MLIP: variants seen among roughly 807,000 people sequenced by gnomAD.
The protein encoded by MLIP is muscular LMNA interacting protein.
In MLIP, 79 loss-of-function variants were observed where a neutral mutation model predicts 84.8. The observed-to-expected ratio is 0.93, with a 90% CI of 0.78 to 1.12. The LOEUF (loss-of-function observed/expected upper bound fraction) is 1.12. Ranked by LOEUF, MLIP falls within the 50% of genes most tolerant of loss-of-function variation. MLIP has a pLI of 0.00. For missense variants in MLIP, 1,257 were observed against 1,160.6 expected, an observed-to-expected ratio of 1.08 and a Z score of -1.21; for synonymous variants, 504 against 463.0, an observed-to-expected ratio of 1.09 and a Z score of -1.14.
At chr6:54,019,129 A>G (rs1015537379) in intron 1 of MLIP, 1 of 1,603,374 alleles carries the variant, frequency 6.2e-7, no homozygotes. Flanking sequence ...ATTTATAATG[A>G]AATTGACAGG....
chr6:54,134,128 A>G (rs934050709), intron 3 of MLIP, among the ~76,000 whole-genome samples: 2 of 152,154 alleles, frequency 1.3e-5, no homozygotes, highest in African/African-American at 2.4e-5. Context: ...ATAGATGCCA[A>G]TAGGGAAGTT....
At chr6:54,121,017 C>A (rs149612308) in intron 1 of MLIP, among the ~76,000 whole-genome samples, 1 of 152,116 alleles carries the variant, frequency 6.6e-6, no homozygotes, top group Non-Finnish European at 1.5e-5. Context: ...TTCTTGCTAA[C>A]GATAAATGTG....
At chr6:54,213,728 A>ACAAC (rs375011233) in intron 11 of MLIP, among the ~76,000 whole-genome samples, 2,913 of 40,870 alleles carry the variant, frequency 0.071, 324 homozygotes, top group African/African-American at 0.15. Flanking sequence ...AAAAAAAAAA[A>ACAAC]AAAAAAAACA....
At chr6:54,049,419 C>T (rs1309944647) in intron 1 of MLIP, among the ~76,000 whole-genome samples, 2 of 152,090 alleles carry the variant, frequency 1.3e-5, no homozygotes, top group African/African-American at 2.4e-5. Context: ...CTTGGTGTCA[C>T]TTATTGCTGG....
At chr6:54,110,385 C>T (rs1483221484), upstream of MLIP, among the ~76,000 whole-genome samples, 2 of 152,074 alleles carry the variant, frequency 1.3e-5, no homozygotes, top group Non-Finnish European at 2.9e-5. Context: ...GCAAGAGGCA[C>T]TTATATTCTC....
At chr6:54,142,646 A>T (rs1772415380) in intron 4 of MLIP, among the ~76,000 whole-genome samples, 1 of 152,176 alleles carries the variant, frequency 6.6e-6, no homozygotes, top group African/African-American at 2.4e-5. Flanking sequence ...TTTTACTTTA[A>T]GTAAGACAGG....
intron 3 of MLIP, among the ~76,000 whole-genome samples, 197 bp from the exon 4 acceptor site, chr6:54,136,518 C>A (rs1405266086): frequency 6.6e-6 from 1 of 152,144 alleles, no homozygotes; most frequent in African/African-American, 2.4e-5. Context: ...GGATGTAATG[C>A]TTCACAGCTT....
At chr6:54,181,687 T>C (rs1304750540) in intron 9 of MLIP, among the ~76,000 whole-genome samples, 3 of 152,170 alleles carry the variant, frequency 2.0e-5, no homozygotes, top group African/African-American at 7.2e-5. Flanking sequence ...TGGGTATCAT[T>C]GCTGGTTATT....
At chr6:54,150,598 G>C (rs550009405) in intron 5 of MLIP, among the ~76,000 whole-genome samples, 1 of 152,142 alleles carries the variant, frequency 6.6e-6, no homozygotes, top group Admixed American at 6.5e-5. Context: ...TTTCATGCTC[G>C]TCTTTCCCTC....
intron 4 of MLIP, among the ~76,000 whole-genome samples, chr6:54,147,206 G>T (rs1015151992): frequency 4.6e-5 from 7 of 152,112 alleles, no homozygotes; most frequent in Non-Finnish European, 1.0e-4. Context: ...AAATATTATA[G>T]AGAAAGCACG....
At chr6:54,233,261 G>A (rs888615140) in intron 12 of MLIP, among the ~76,000 whole-genome samples, 1 of 151,898 alleles carries the variant, frequency 6.6e-6, no homozygotes, top group African/African-American at 2.4e-5. Flanking sequence ...CATGTGCCAC[G>A]GTTGTTTGCT....
At chr6:54,062,207 G>A (rs941466801) in intron 1 of MLIP, among the ~76,000 whole-genome samples, 2 of 151,934 alleles carry the variant, frequency 1.3e-5, no homozygotes, top group Non-Finnish European at 2.9e-5. Flanking sequence ...TCTTTGTAGT[G>A]TTTCTTACTT....
chr6:54,207,085 A>G (rs905758812), intron 11 of MLIP, among the ~76,000 whole-genome samples: 2 of 151,376 alleles, frequency 1.3e-5, no homozygotes, highest in Non-Finnish European at 2.9e-5. Flanking sequence ...GTAGTGTTAC[A>G]TTTCTTTGGG....
chr6:54,050,561 A>C (rs1462878880), intron 1 of MLIP, among the ~76,000 whole-genome samples: 1 of 152,156 alleles, frequency 6.6e-6, no homozygotes, highest in Non-Finnish European at 1.5e-5. Flanking sequence ...CTGCTGCTAG[A>C]CATTTAGATT....
chr6:54,124,754 G>T lies in MLIP; in HGVS notation c.534G>T (p.Ser178=), dbSNP rs145946168. 120 of 1,614,166 alleles carry T rather than the reference G, an allele frequency of 7.4e-5. No homozygotes were observed. The African/African-American group carries it at 1.5e-3, about 20-fold the overall frequency. The change falls in exon 3 of 14, where the codon TCG becomes TCT. Residue 178 remains serine, a synonymous_variant. Transcript: ENST00000502396. ...TCCGGCCCAAGTCTCTAGCTATCTC[G>T]TCCAGTCTGGTCTCTGATGTAGTGC... The part of the protein sequence containing the change: ...AAVRPKSLAI[S]SSLVSDVVRP...
chr6:54,223,786 A>C (rs1292499720), intron 11 of MLIP, among the ~76,000 whole-genome samples: 2 of 152,076 alleles, frequency 1.3e-5, no homozygotes, highest in East Asian at 3.9e-4. Flanking sequence ...TTATATTAAA[A>C]CTAAGCCTTT....
chr6:54,158,425 T>C (rs534412608), intron 5 of MLIP, among the ~76,000 whole-genome samples: 38 of 152,268 alleles, frequency 2.5e-4, no homozygotes, highest in African/African-American at 8.4e-4. Context: ...GTGCCTACAA[T>C]TGCTTATTGC....
intron 9 of MLIP, among the ~76,000 whole-genome samples, chr6:54,188,377 A>G (rs1429371745): frequency 1.3e-5 from 2 of 152,094 alleles, no homozygotes. Context: ...GTAGCTTGAA[A>G]CACAAATGCA....
intron 1 of MLIP, among the ~76,000 whole-genome samples, chr6:54,084,160 T>C (rs1767338764): frequency 6.6e-6 from 1 of 152,134 alleles, no homozygotes; most frequent in African/African-American, 2.4e-5. Context: ...CCTTGAACTT[T>C]TTTGCTCCCC....
Sources: gnomAD v4.1 joint callset for allele counts (sites outside exome capture counted in the v4.1 genomes callset) on GRCh38, gnomAD v4.1.1 for gene constraint, MANE v1.5 for transcripts, NCBI Gene and HGNC (gene_info 2026-07-23, HGNC 2026-07-21) for gene names.